Variants in RAD1 observed in about 807,000 individuals in gnomAD.
The protein encoded by RAD1 is RAD1 checkpoint DNA exonuclease.
A neutral mutation model predicts 30.0 loss-of-function variants in RAD1; 21 were observed. That is an observed-to-expected ratio of 0.70 (90% CI 0.50 to 1.01). RAD1 has a LOEUF of 1.01. Among genes scored for constraint, RAD1 ranks in the 50% least tolerant of loss-of-function variants. The pLI is 0.00. For missense variants in RAD1, 329 were observed against 329.0 expected (o/e 1.00, Z 0.00); for synonymous variants, 109 against 113.6 (o/e 0.96, Z 0.26).
intron 4 of RAD1, among the ~76,000 whole-genome samples, chr5:34,910,082 C>T (rs909008299): frequency 2.0e-5 from 3 of 152,196 alleles, no homozygotes; most frequent in South Asian, 4.2e-4. Context: ...ATCTAAATTT[C>T]CAGTCTAAAT....
intron 3 of RAD1, 117 bp from the exon 4 acceptor site, chr5:34,911,929 T>C (rs962829244): frequency 7.5e-6 from 9 of 1,195,284 alleles, no homozygotes; most frequent in Non-Finnish European, 9.5e-6. Flanking sequence ...TTCTCACATA[T>C]ATGTATCTCC....
At chr5:34,911,287 A>C (rs1763830958) in intron 4 of RAD1, among the ~76,000 whole-genome samples, 1 of 152,260 alleles carries the variant, frequency 6.6e-6, no homozygotes. Flanking sequence ...AGTAAGGAGT[A>C]GTACAATGAA....
intron 2 of RAD1, chr5:34,914,392 A>C: frequency 2.8e-6 from 1 of 359,624 alleles, no homozygotes; most frequent in Non-Finnish European, 5.1e-6. Context: ...AGATTAAATA[A>C]GTTAAACAAT....
Position 34,907,516 on chromosome 5 carries a change from T to C in RAD1, c.*1249A>G, listed in dbSNP as rs149782169. The C allele has an allele frequency of 3.9e-5, 6 of 152,340 alleles. No individual in the cohort carries two copies. In the East Asian group the frequency reaches 7.7e-4, roughly 20 times the overall value. 9.4% of individuals were successfully genotyped at this position (152,340 alleles called of 1,614,324 possible). On this transcript the variant is annotated 3_prime_UTR_variant, in exon 6 of 6. Transcript: ENST00000382038. ...TTTTTTCTACTAGACAGGAAGATAA[T>C]TTTTGCATTTTATTAAATATATTTA...
rs1249991774 is a variant in RAD1 at position 34,907,814 on chromosome 5, A to G, written c.*951T>C. 3 of 152,226 alleles carry G rather than the reference A, an allele frequency of 2.0e-5. No homozygotes were observed. The highest frequency in any genetic ancestry group is 7.2e-5 in the African/African-American group (3 of 41,452). The allele number at this position is 152,226 out of a possible 1,614,324, so 9.4% of individuals were successfully genotyped here. On this transcript the variant is annotated 3_prime_UTR_variant, in exon 6 of 6. Coordinates refer to ENST00000382038, the MANE Select transcript of RAD1 (RefSeq NM_002853.4). ...GTTCAGACTTGTTTGGTGATGCCTC[A>G]ACTTCAGAACATTTGCAAGGAAATC...
rs1580505470 is a variant in RAD1, at chr5:34,908,746, T to C, written c.*19A>G. Reference sequence around the variant, plus strand: ...CATCTATCATAAATGTACACATAAATATCAGTGAATTGTCATACTCAAGAC... The same window carrying C: ...CATCTATCATAAATGTACACATAAACATCAGTGAATTGTCATACTCAAGAC... On this transcript the variant is annotated 3_prime_UTR_variant, in exon 6 of 6. Transcript: ENST00000382038. 1.5e-5 allele frequency: 24 copies of C among 1,565,982 alleles called. No individual in the cohort carries two copies. Among genetic ancestry groups the C allele is most frequent in the Non-Finnish European group, 1.9e-5 (22 of 1,150,512 alleles).
chr5:34,910,356 G>C (rs1399117505), intron 4 of RAD1, among the ~76,000 whole-genome samples: 1 of 151,588 alleles, frequency 6.6e-6, no homozygotes, highest in African/African-American at 2.4e-5. Flanking sequence ...TTCCATTTTG[G>C]TTAACTTTCT....
rs41271735 is a variant in RAD1, at chr5:34,908,689, G to T, written c.*76C>A. On this transcript the variant is annotated 3_prime_UTR_variant, in exon 6 of 6. Transcript: ENST00000382038. ...CTCTATAGAAAATCCAATATGAAAT[G>T]ACAAAGAGTACTGTACTCAGAATAA... is the stretch of plus-strand genomic sequence containing the variant. 309 of 1,303,652 alleles carry T rather than the reference G, an allele frequency of 2.4e-4. No individual in the cohort carries two copies. The African/African-American group carries it at 4.1e-3, about 17-fold the overall frequency. The allele number at this position is 1,303,652 out of a possible 1,614,324, so 80.8% of individuals were successfully genotyped here.
At position 34,908,927 on chromosome 5, in the gene RAD1, T is replaced by C. The variant is rs1183802254; in HGVS notation, c.687A>G (p.Lys229=). 1 of 1,607,394 alleles carries C rather than the reference T, an allele frequency of 6.2e-7. No homozygotes were observed. The change falls in exon 6 of 6, where the codon AAA becomes AAG. Residue 229 remains lysine, a synonymous_variant. Coordinates refer to ENST00000382038, the MANE Select transcript of RAD1 (RefSeq NM_002853.4). ...QVNRYKISLL[K]PSTKALVLSC... The stretch of plus-strand genomic sequence containing the variant: ...ATAGGACTAATGCCTTTGTAGAGGG[T>C]TTCAGTAAGGAAATCTTGTATCTGT...
chr5:34,915,102 G>A (rs1764008124), intron 1 of RAD1, 141 bp from the exon 2 acceptor site: 1 of 572,602 alleles, frequency 1.7e-6, no homozygotes, highest in Non-Finnish European at 3.1e-6. Context: ...AACTATCTTT[G>A]TAATTCTGGA....
chr5:34,915,143 C>G (rs1197563867), intron 1 of RAD1, among the ~76,000 whole-genome samples, 182 bp from the exon 2 acceptor site: 1 of 152,204 alleles, frequency 6.6e-6, no homozygotes, highest in Non-Finnish European at 1.5e-5. Context: ...GTTTCCTCGT[C>G]TCCGTAAGAG....
rs926753546 is a variant in RAD1 at position 34,908,624 on chromosome 5, G to T, written c.*141C>A. On this transcript the variant is annotated 3_prime_UTR_variant, in exon 6 of 6. Transcript: ENST00000382038. ...ATTTACAAAACATAGTAACTATTAG[G>T]GTACATGACCTTGCTCCTATCTTCC... 3.0e-6 allele frequency: 2 copies of T among 663,646 alleles called. No individual in the cohort carries two copies. Among genetic ancestry groups the T allele is most frequent in the Admixed American group, 3.1e-5 (1 of 32,474 alleles). 41.1% of individuals were successfully genotyped at this position (663,646 alleles called of 1,614,324 possible). A position where few individuals can be genotyped will look rare whatever the true frequency, so the allele number is the denominator to read the frequency against.
At position 34,907,611 on chromosome 5, in the gene RAD1, CA is replaced by C. The variant is rs1397423242; in HGVS notation, c.*1153del. ...AAATCACTTAATAACTGGTTTTCTA[CA>C]CCTTGATTTGTCAAGAAACTCATAA... On this transcript the variant is annotated 3_prime_UTR_variant, in exon 6 of 6. Coordinates refer to ENST00000382038, the MANE Select transcript of RAD1 (RefSeq NM_002853.4). The C allele has an allele frequency of 5.9e-5, 9 of 152,314 alleles. No homozygotes were observed. In the East Asian group the frequency reaches 1.7e-3, roughly 29 times the overall value. 9.4% of individuals were successfully genotyped at this position (152,314 alleles called of 1,614,324 possible).
In RAD1 at chr5:34,912,260, A is replaced by G. The variant is rs149976942; in HGVS notation, c.308-448T>C. On this transcript the variant is annotated intron_variant, in intron 3 of 5. Coordinates refer to ENST00000382038, the MANE Select transcript of RAD1 (RefSeq NM_002853.4). Reference sequence around the variant, plus strand: ...ACTCACTATGACAAGGATCCTTCCAACTTTTCCAACTGGGAGATATTCTTT... The same window carrying G: ...ACTCACTATGACAAGGATCCTTCCAGCTTTTCCAACTGGGAGATATTCTTT... Among the ~76,000 whole-genome samples, 691 of 152,332 alleles carry G rather than the reference A, an allele frequency of 4.5e-3. 7 individuals carry two copies. The highest frequency in any genetic ancestry group is 0.016 in the African/African-American group (670 of 41,570).
At position 34,913,744 on chromosome 5, in the gene RAD1, T is replaced by C. The variant is rs1038325100; in HGVS notation, c.199-166A>G. 8.5e-6 allele frequency: 5 copies of C among 585,040 alleles called. No homozygotes were observed. The Admixed American group carries it at 8.9e-5, about 10-fold the overall frequency. The allele number at this position is 585,040 out of a possible 1,614,324, so 36.2% of individuals were successfully genotyped here. A position where few individuals can be genotyped will look rare whatever the true frequency, so the allele number is the denominator to read the frequency against. ...CATCTTAGAGACATCCTTTGAAGCA[T>C]CCTTATCTCCATTCCTGGATCTAAA... On this transcript the variant is annotated intron_variant, in intron 2 of 5. Transcript: ENST00000382038.
At position 34,915,502 on chromosome 5, in the gene RAD1, A is replaced by G. The variant is rs1423232429; in HGVS notation, c.-156T>C. On this transcript the variant is annotated 5_prime_UTR_variant, in exon 1 of 6. Transcript: ENST00000382038. The stretch of plus-strand genomic sequence containing the variant: ...GGCGGCTCCGAGGAACCGCGGAGGA[A>G]GTGAAGCCAGTCCCGCCACTCTTCA... The G allele has an allele frequency of 1.1e-5, 5 of 440,654 alleles. No homozygotes were observed. The highest frequency in any genetic ancestry group is 4.1e-5 in the African/African-American group (2 of 49,130). The allele number at this position is 440,654 out of a possible 1,614,324, so 27.3% of individuals were successfully genotyped here.
intron 1 of RAD1, 126 bp from the exon 2 acceptor site, chr5:34,915,087 C>A (rs955945771): frequency 1.2e-4 from 73 of 591,250 alleles, no homozygotes; most frequent in Admixed American, 1.2e-3. Context: ...CCACCTATGT[C>A]ACTTAACTAT....
chr5:34,911,688 G>C lies in RAD1; in HGVS notation c.432C>G (p.Asp144Glu). Residue 144 changes from aspartate to glutamate, a missense_variant, in exon 4 of 6, where the codon GAC (aspartate) becomes GAG (glutamate). Coordinates refer to ENST00000382038, the MANE Select transcript of RAD1 (RefSeq NM_002853.4). Reference sequence around the variant, plus strand: ...TAACATTGGTGCTGCAGAAATCAAAGTCCAGGGTCTCCTCAGGTTCCTGTG... The same window carrying C: ...TAACATTGGTGCTGCAGAAATCAAACTCCAGGGTCTCCTCAGGTTCCTGTG... ...INTQEPEETL[D>E]FDFCSTNVIN... 6.2e-7 allele frequency: 1 copy of C among 1,614,118 alleles called. No individual in the cohort carries two copies. Among genetic ancestry groups the C allele is most frequent in the Non-Finnish European group, 8.5e-7 (1 of 1,180,026 alleles).
intron 4 of RAD1, among the ~76,000 whole-genome samples, chr5:34,910,221 A>T (rs773294127): frequency 9.2e-5 from 14 of 152,146 alleles, no homozygotes; most frequent in Non-Finnish European, 1.3e-4. Context: ...CATCCTGGAG[A>T]TGAAAGATAC....
Sources: gnomAD v4.1 joint callset for allele counts (sites outside exome capture counted in the v4.1 genomes callset) on GRCh38, gnomAD v4.1.1 for gene constraint, MANE v1.5 for transcripts, NCBI Gene and HGNC (gene_info 2026-07-23, HGNC 2026-07-21) for gene names.